The following MTMR12 variants were observed in gnomAD, a reference collection of about 807,000 sequenced individuals.
MTMR12 encodes myotubularin-related protein 12.
A neutral mutation model predicts 96.7 loss-of-function variants in MTMR12; 33 were observed. That is an observed-to-expected ratio of 0.34 (90% CI 0.26 to 0.46). MTMR12 has a LOEUF of 0.46. Among genes scored for constraint, MTMR12 ranks in the 20% least tolerant of loss-of-function variants. The pLI is 1.00. For missense variants in MTMR12, 721 were observed against 896.1 expected (o/e 0.80, Z 2.49); for synonymous variants, 298 against 327.2 (o/e 0.91, Z 0.96).
intron 7 of MTMR12, among the ~76,000 whole-genome samples, chr5:32,259,721 C>T (rs963383149): frequency 2.0e-5 from 3 of 152,114 alleles, no homozygotes; most frequent in Non-Finnish European, 4.4e-5. Flanking sequence ...CTGACTTAGC[C>T]TTGGGAAAGC....
chr5:32,236,425 T>G (rs558492978), intron 13 of MTMR12, among the ~76,000 whole-genome samples: 248 of 152,278 alleles, frequency 1.6e-3, no homozygotes, highest in African/African-American at 5.8e-3. Flanking sequence ...TGTACACCTA[T>G]AGTCCCAGCT....
At chr5:32,245,295 C>CA (rs377264697) in intron 10 of MTMR12, among the ~76,000 whole-genome samples, 2 of 152,304 alleles carry the variant, frequency 1.3e-5, no homozygotes, top group East Asian at 3.9e-4. Flanking sequence ...CTCGGCCTCC[C>CA]AAAGTGCTGC....
At chr5:32,271,106 C>G (rs538440277) in intron 4 of MTMR12, among the ~76,000 whole-genome samples, 159 bp from the exon 5 acceptor site, 1 of 152,348 alleles carries the variant, frequency 6.6e-6, no homozygotes, top group East Asian at 1.9e-4. Flanking sequence ...GAAGCCCAAT[C>G]TCTTCCAGCA....
chr5:32,268,870 CTA>C (rs1013826379), intron 5 of MTMR12, 76 bp from the exon 6 acceptor site: 21 of 1,247,354 alleles, frequency 1.7e-5, no homozygotes, highest in Non-Finnish European at 2.3e-5. Context: ...GTCAAGGTGT[CTA>C]AGTTCTTAGT....
At chr5:32,252,104 C>A (rs924600533) in intron 8 of MTMR12, among the ~76,000 whole-genome samples, 1 of 152,040 alleles carries the variant, frequency 6.6e-6, no homozygotes, top group Non-Finnish European at 1.5e-5. Flanking sequence ...ATTCATTTGT[C>A]CCAGAGGAAA....
intron 13 of MTMR12, among the ~76,000 whole-genome samples, chr5:32,235,901 T>C (rs1340321041): frequency 1.3e-5 from 2 of 152,038 alleles, no homozygotes; most frequent in African/African-American, 2.4e-5. Context: ...TGTTAGTCTC[T>C]CCCTTACAAA....
intron 1 of MTMR12, among the ~76,000 whole-genome samples, chr5:32,309,981 T>C (rs1751512829): frequency 6.6e-6 from 1 of 152,138 alleles, no homozygotes; most frequent in African/African-American, 2.4e-5. Context: ...AGAGCCACCA[T>C]ATGATCCGGC....
At chr5:32,264,043 A>G (rs1749489554) in intron 6 of MTMR12, among the ~76,000 whole-genome samples, 1 of 152,192 alleles carries the variant, frequency 6.6e-6, no homozygotes, top group South Asian at 2.1e-4. Context: ...TGAAGGCCAT[A>G]AACAGATGAT....
intron 3 of MTMR12, among the ~76,000 whole-genome samples, chr5:32,272,776 C>A (rs1749887677): frequency 6.6e-6 from 1 of 152,132 alleles, no homozygotes; most frequent in South Asian, 2.1e-4. Context: ...GTTAACATTT[C>A]TCCACACAAA....
rs1038124512 is a variant in MTMR12, at chr5:32,230,357, A to G, written c.1675-10T>C. ...AAAGTTGTCGTTGATGCTTTGAGAG[A>G]AAACACAAATAAAAATCACTGGTTA... On this transcript the variant is annotated splice_polypyrimidine_tract_variant and intron_variant, in intron 15 of 15. Coordinates refer to ENST00000382142, the MANE Select transcript of MTMR12 (RefSeq NM_001040446.3). 2.5e-6 allele frequency: 4 copies of G among 1,587,418 alleles called. No individual in the cohort carries two copies. Among genetic ancestry groups the G allele is most frequent in the Non-Finnish European group, 3.4e-6 (4 of 1,168,532 alleles).
At chr5:32,253,156 A>G (rs1250093986) in intron 8 of MTMR12, among the ~76,000 whole-genome samples, 1 of 152,232 alleles carries the variant, frequency 6.6e-6, no homozygotes, top group African/African-American at 2.4e-5. Flanking sequence ...CTGGCACCTC[A>G]GAAAATGCTA....
chr5:32,232,534 G>A (rs1748038789), intron 15 of MTMR12, among the ~76,000 whole-genome samples: 1 of 152,212 alleles, frequency 6.6e-6, no homozygotes, highest in Non-Finnish European at 1.5e-5. Context: ...TAACACAACA[G>A]ACGTTGTCCT....
At chr5:32,231,138 C>G (rs971697607) in intron 15 of MTMR12, among the ~76,000 whole-genome samples, 6 of 151,852 alleles carry the variant, frequency 4.0e-5, no homozygotes, top group African/African-American at 1.2e-4. Context: ...GCCTGTAATC[C>G]TAGCACTTTG....
chr5:32,274,297 C>G (rs1260118337), intron 2 of MTMR12, among the ~76,000 whole-genome samples, 175 bp from the exon 3 acceptor site: 1 of 152,110 alleles, frequency 6.6e-6, no homozygotes, highest in Admixed American at 6.5e-5. Flanking sequence ...AGAGAAGATG[C>G]GGCAGAGTGG....
Position 32,271,924 on chromosome 5 carries a change from A to C in MTMR12, c.286-19T>G, listed in dbSNP as rs1463036480. The C allele has an allele frequency of 2.1e-6, 3 of 1,421,430 alleles. No individual in the cohort carries two copies. In the Admixed American group the frequency reaches 6.1e-5, roughly 29 times the overall value. The allele number at this position is 1,421,430 out of a possible 1,614,324, so 88.1% of individuals were successfully genotyped here. A position where few individuals can be genotyped will look rare whatever the true frequency, so the allele number is the denominator to read the frequency against. On this transcript the variant is annotated intron_variant, in intron 3 of 15. Transcript: ENST00000382142. The stretch of plus-strand genomic sequence containing the variant: ...GAGTTTCCTAGAAGATTCAAAAGGA[A>C]ACAACTGTGACTCCTCTGCATACTG...
At chr5:32,276,140 A>G (rs1355167404) in intron 2 of MTMR12, among the ~76,000 whole-genome samples, 1 of 152,238 alleles carries the variant, frequency 6.6e-6, no homozygotes, top group Non-Finnish European at 1.5e-5. Flanking sequence ...AACTTAAGCT[A>G]AAGTCACTGT....
intron 1 of MTMR12, among the ~76,000 whole-genome samples, chr5:32,295,946 G>C (rs1750903572): frequency 1.3e-5 from 2 of 152,124 alleles, no homozygotes. Context: ...CTGATGTTAG[G>C]AGTTCGAGAC....
At position 32,248,846 on chromosome 5, in the gene MTMR12, G is replaced by A. The variant is rs201832549; in HGVS notation, c.822C>T (p.Ala274=). ...TGGGCAGTGCTGACATTTTCAAAAG[G>A]GCACTTCCATTGTGGCAGGACCAAC... The part of the protein sequence containing the change: ...IWCWSCHNGS[A]LLKMSALPKE... The change falls in exon 9 of 16, where the codon GCC becomes GCT. Residue 274 remains alanine, a synonymous_variant. Transcript: ENST00000382142. The A allele has an allele frequency of 3.0e-5, 49 of 1,613,894 alleles. No homozygotes were observed. The South Asian group carries it at 4.0e-4, about 13-fold the overall frequency.
chr5:32,275,472 A>T (rs1017843984), intron 2 of MTMR12, among the ~76,000 whole-genome samples: 7 of 152,178 alleles, frequency 4.6e-5, no homozygotes, highest in African/African-American at 1.7e-4. Context: ...TCCCATGCTC[A>T]TGTACTAGCG....
Sources: allele counts gnomAD v4.1 joint callset (sites outside exome capture counted in the v4.1 genomes callset), GRCh38; gene constraint gnomAD v4.1.1; transcripts MANE v1.5; gene names NCBI Gene and HGNC (gene_info 2026-07-23, HGNC 2026-07-21).